The following NRXN3 variants were observed in gnomAD, a reference collection of about 807,000 sequenced individuals.
NRXN3 encodes the protein neurexin 3, also known as neurexin III.
NRXN3 carries 32 observed loss-of-function variants against 137.6 expected under a neutral mutation model. The ratio of observed to expected loss-of-function variants is 0.23; its 90% confidence interval spans 0.18 to 0.31. NRXN3 has a LOEUF of 0.31. Ranked by LOEUF, NRXN3 falls within the 10% of genes least tolerant of loss-of-function variation. The pLI is 1.00. For synonymous variants in NRXN3, 798 were observed against 784.5 expected, an observed-to-expected ratio of 1.02 and a Z score of -0.29; for missense variants, 1,574 against 2,062.5, an observed-to-expected ratio of 0.76 and a Z score of 4.59.
intron 16 of NRXN3, among the ~76,000 whole-genome samples, chr14:79,645,576 C>T (rs1292891785): frequency 1.6e-5 from 2 of 128,160 alleles, no homozygotes; most frequent in Non-Finnish European, 3.6e-5. Context: ...AGATGCGCCA[C>T]TGCACTCCAG....
At chr14:79,349,545 TACACACACACACACAC>T (rs71131694) in intron 15 of NRXN3, among the ~76,000 whole-genome samples, 14 of 137,636 alleles carry the variant, frequency 1.0e-4, no homozygotes, top group Middle Eastern at 3.3e-3. Flanking sequence ...GAAAAAAAAA[TACACACACACACACAC>T]ACACACACAC....
intron 1 of NRXN3, among the ~76,000 whole-genome samples, chr14:78,225,974 G>GTGTTGGGGTGTGT (rs1394081828): frequency 7.3e-5 from 9 of 123,718 alleles, no homozygotes; most frequent in African/African-American, 2.8e-4. Flanking sequence ...TGTGTGTGTT[G>GTGTTGGGGTGTGT]GTGTGTGTGT....
At chr14:79,826,647 TCTCAC>T (rs1183932917) in intron 20 of NRXN3, among the ~76,000 whole-genome samples, 1 of 152,152 alleles carries the variant, frequency 6.6e-6, no homozygotes, top group Non-Finnish European at 1.5e-5. Context: ...TGACACAAAA[TCTCAC>T]CTAGAGTACA....
intron 16 of NRXN3, among the ~76,000 whole-genome samples, chr14:79,559,805 G>A (rs1301627074): frequency 2.6e-5 from 4 of 152,164 alleles, no homozygotes; most frequent in Non-Finnish European, 5.9e-5. Flanking sequence ...TATGAAAACA[G>A]TAGTTGGATA....
intron 16 of NRXN3, among the ~76,000 whole-genome samples, chr14:79,506,712 CT>C: frequency 6.6e-6 from 1 of 152,024 alleles, no homozygotes; most frequent in African/African-American, 2.4e-5. Context: ...TCCCTTCTAG[CT>C]TCATTTGTCC....
At chr14:78,799,691 A>G (rs1315952622) in intron 8 of NRXN3, among the ~76,000 whole-genome samples, 1 of 152,188 alleles carries the variant, frequency 6.6e-6, no homozygotes, top group African/African-American at 2.4e-5. Context: ...TGTTTCATGG[A>G]TTCACAGTTC....
chr14:78,961,897 C>T (rs1383341590), intron 11 of NRXN3, among the ~76,000 whole-genome samples: 3 of 152,054 alleles, frequency 2.0e-5, no homozygotes, highest in Admixed American at 6.6e-5. Flanking sequence ...GCCATCAGTG[C>T]AATATGGAAG....
At chr14:78,882,490 G>T (rs1199655363) in intron 10 of NRXN3, among the ~76,000 whole-genome samples, 1 of 151,844 alleles carries the variant, frequency 6.6e-6, no homozygotes, top group South Asian at 2.1e-4. Context: ...CCCTGGATGT[G>T]AGACATGTAG....
chr14:79,387,912 T>C (rs1172586030), intron 15 of NRXN3, among the ~76,000 whole-genome samples: 1 of 130,680 alleles, frequency 7.7e-6, no homozygotes, highest in African/African-American at 3.0e-5. Flanking sequence ...ATGAGAACAC[T>C]TGGACACAGG....
At chr14:78,511,424 C>T (rs1055835081) in intron 4 of NRXN3, among the ~76,000 whole-genome samples, 3 of 151,838 alleles carry the variant, frequency 2.0e-5, no homozygotes, top group Non-Finnish European at 4.4e-5. Context: ...AGTGGCTTAA[C>T]AAAAAAAGGT....
Position 78,727,689 on chromosome 14 carries a change from C to T in NRXN3, c.2044+12550C>T, listed in dbSNP as rs556363630. 3.9e-5 allele frequency among the ~76,000 whole-genome samples: 6 copies of T among 152,190 alleles called. No homozygotes were observed. The East Asian group carries it at 5.8e-4, about 15-fold the overall frequency. On this transcript the variant is annotated intron_variant, in intron 8 of 20. Coordinates refer to ENST00000335750, the MANE Select transcript of NRXN3 (RefSeq NM_001330195.2). Reference sequence around the variant, plus strand: ...GGCAGAGGTTGTGGTGAGCCAAGATCGCGCCATTGTACTGCAGCCTGGGCA... The same window carrying T: ...GGCAGAGGTTGTGGTGAGCCAAGATTGCGCCATTGTACTGCAGCCTGGGCA...
At chr14:79,105,106 C>A (rs1039590742) in intron 15 of NRXN3, among the ~76,000 whole-genome samples, 3 of 152,044 alleles carry the variant, frequency 2.0e-5, no homozygotes, top group African/African-American at 7.2e-5. Context: ...TATTTCACCC[C>A]AGACAGACAC....
At chr14:79,246,802 A>G (rs2075252638) in intron 15 of NRXN3, 1 of 151,946 alleles carries the variant, frequency 6.6e-6, no homozygotes, top group African/African-American at 2.4e-5. Context: ...TAGTGTAGAT[A>G]AAAATGAGCT....
At chr14:79,017,811 G>A (rs972986408) in intron 15 of NRXN3, among the ~76,000 whole-genome samples, 21 of 152,032 alleles carry the variant, frequency 1.4e-4, no homozygotes, top group Admixed American at 5.2e-4. Context: ...TGGGCCTTTC[G>A]TGTCAGAATC....
chr14:78,649,310 C>T, intron 5 of NRXN3: 3 of 1,338,012 alleles, frequency 2.2e-6, no homozygotes, highest in Non-Finnish European at 3.0e-6. Context: ...ACTACATTGT[C>T]TGGTAGATAT....
intron 19 of NRXN3, among the ~76,000 whole-genome samples, chr14:79,786,390 C>T (rs1331620449): frequency 1.3e-5 from 2 of 152,110 alleles, no homozygotes; most frequent in African/African-American, 4.8e-5. Flanking sequence ...GGAGGGGTAA[C>T]TAGGGACTTA....
chr14:79,079,717 C>A (rs926372516), intron 15 of NRXN3, among the ~76,000 whole-genome samples: 3 of 152,126 alleles, frequency 2.0e-5, no homozygotes, highest in African/African-American at 7.2e-5. Flanking sequence ...GGGCAGGGTG[C>A]AGTTTCTCAC....
At chr14:78,348,787 T>C (rs2083093418) in intron 4 of NRXN3, among the ~76,000 whole-genome samples, 1 of 152,178 alleles carries the variant, frequency 6.6e-6, no homozygotes, top group Non-Finnish European at 1.5e-5. Flanking sequence ...TGGGTGACTG[T>C]AGCACCACGA....
chr14:79,011,396 C>A (rs1244492946), intron 15 of NRXN3, among the ~76,000 whole-genome samples: 6 of 130,182 alleles, frequency 4.6e-5, no homozygotes, highest in Admixed American at 7.7e-5. Flanking sequence ...CCACCTCCCC[C>A]CAACCCCACC....
Sources: gnomAD v4.1 joint callset for allele counts (sites outside exome capture counted in the v4.1 genomes callset) on GRCh38, gnomAD v4.1.1 for gene constraint, MANE v1.5 for transcripts, NCBI Gene and HGNC (gene_info 2026-07-23, HGNC 2026-07-21) for gene names.